The following BANK1 variants were observed in gnomAD, a reference collection of about 807,000 sequenced individuals.
The protein encoded by BANK1 is B cell scaffold protein with ankyrin repeats 1, also known as B-cell scaffold protein with ankyrin repeats.
In BANK1, 95 loss-of-function variants were observed where a neutral mutation model predicts 94.5. The ratio of observed to expected loss-of-function variants is 1.00; its 90% CI spans 0.85 to 1.19. The LOEUF (loss-of-function observed/expected upper bound fraction) is 1.19. Among genes scored for constraint, BANK1 ranks in the 50% most tolerant of loss-of-function variants. BANK1 has a pLI of 0.00. For missense variants in BANK1, 987 were observed against 932.2 expected (o/e 1.06, Z -0.77); for synonymous variants, 334 against 308.4 (o/e 1.08, Z -0.87).
intron 6 of BANK1, among the ~76,000 whole-genome samples, chr4:101,911,477 C>T (rs936773107): frequency 1.3e-5 from 2 of 152,096 alleles, no homozygotes; most frequent in African/African-American, 2.4e-5. Context: ...GCCATTTTGT[C>T]CTTATGGGTA....
At chr4:102,006,737 A>G (rs1349326565) in intron 7 of BANK1, among the ~76,000 whole-genome samples, 1 of 151,768 alleles carries the variant, frequency 6.6e-6, no homozygotes, top group Non-Finnish European at 1.5e-5. Context: ...ATGACAGACA[A>G]TCTTTCATAA....
intron 5 of BANK1, 78 bp downstream of exon 5, chr4:101,870,722 T>C: frequency 6.8e-7 from 1 of 1,474,396 alleles, no homozygotes; most frequent in Admixed American, 2.1e-5. Flanking sequence ...CATGCTTTGG[T>C]ATAAGTTTGA....
At chr4:101,835,201 T>G (rs1270465811) in intron 2 of BANK1, among the ~76,000 whole-genome samples, 2 of 152,234 alleles carry the variant, frequency 1.3e-5, no homozygotes, top group African/African-American at 4.8e-5. Flanking sequence ...ATATGTGATA[T>G]AAATAAGCTG....
intron 5 of BANK1, among the ~76,000 whole-genome samples, chr4:101,894,564 T>A (rs1045855813): frequency 6.6e-6 from 1 of 152,084 alleles, no homozygotes; most frequent in African/African-American, 2.4e-5. Flanking sequence ...TAGAAACTTT[T>A]GTTCCACAGT....
At chr4:101,843,536 C>A (rs1328547563) in intron 2 of BANK1, among the ~76,000 whole-genome samples, 3 of 152,146 alleles carry the variant, frequency 2.0e-5, no homozygotes, top group Non-Finnish European at 4.4e-5. Context: ...CTGGAACCCA[C>A]TTAGATATTA....
chr4:101,891,128 T>C (rs982645272), intron 5 of BANK1, among the ~76,000 whole-genome samples: 2 of 152,138 alleles, frequency 1.3e-5, no homozygotes, highest in African/African-American at 4.8e-5. Flanking sequence ...CAAAAGGTCT[T>C]CTTTCATTAT....
At chr4:101,804,358 C>T (rs1725478107) in intron 1 of BANK1, among the ~76,000 whole-genome samples, 1 of 152,146 alleles carries the variant, frequency 6.6e-6, no homozygotes, top group Non-Finnish European at 1.5e-5. Flanking sequence ...TGTATGATGA[C>T]AGTCATCTCT....
chr4:101,896,228 C>G (rs1301008234), intron 6 of BANK1, among the ~76,000 whole-genome samples: 3 of 151,830 alleles, frequency 2.0e-5, no homozygotes, highest in African/African-American at 4.8e-5. Flanking sequence ...TGTTGACATA[C>G]TGTTTATAAT....
chr4:102,051,908 A>T (rs1728060581), intron 11 of BANK1, among the ~76,000 whole-genome samples: 1 of 152,122 alleles, frequency 6.6e-6, no homozygotes, highest in Non-Finnish European at 1.5e-5. Flanking sequence ...TTAGATACAT[A>T]GTGCCAGGGA....
chr4:101,974,373 C>T (rs1316870058), intron 7 of BANK1, among the ~76,000 whole-genome samples: 1 of 152,042 alleles, frequency 6.6e-6, no homozygotes, highest in Non-Finnish European at 1.5e-5. Context: ...AAATTTCTGC[C>T]ACATTGGATA....
At chr4:102,007,460 C>T (rs1726344681) in intron 7 of BANK1, among the ~76,000 whole-genome samples, 1 of 151,454 alleles carries the variant, frequency 6.6e-6, no homozygotes, top group Admixed American at 6.6e-5. Flanking sequence ...GCTAAAAATT[C>T]AGAAAATAAG....
rs75651646 is a variant in BANK1 at position 101,990,971 on chromosome 4, A to C, written c.1207-30543A>C. Reference sequence around the variant, plus strand: ...AAAATTAACTAAAAATGCTGTCTCTAATAATAGCTTCCATATGTTGAAGAC... The same window carrying C: ...AAAATTAACTAAAAATGCTGTCTCTCATAATAGCTTCCATATGTTGAAGAC... On this transcript the variant is annotated intron_variant, in intron 7 of 16. Transcript: ENST00000322953. Among the ~76,000 whole-genome samples the C allele has an allele frequency of 2.0e-5, 3 of 152,314 alleles. No individual in the cohort carries two copies. The East Asian group carries it at 5.8e-4, about 29-fold the overall frequency.
intron 7 of BANK1, among the ~76,000 whole-genome samples, chr4:102,016,064 C>CT (rs1726689257): frequency 6.6e-6 from 1 of 152,148 alleles, no homozygotes; most frequent in African/African-American, 2.4e-5. Context: ...TCATGGTCCC[C>CT]CATTGGCCGC....
chr4:101,948,554 T>C (rs1724019435), intron 7 of BANK1, among the ~76,000 whole-genome samples: 1 of 152,158 alleles, frequency 6.6e-6, no homozygotes, highest in South Asian at 2.1e-4. Flanking sequence ...TCAGTCTCTG[T>C]GAATGACTCT....
chr4:102,031,000 T>C (rs1206660470), intron 10 of BANK1, among the ~76,000 whole-genome samples: 1 of 152,182 alleles, frequency 6.6e-6, no homozygotes, highest in Non-Finnish European at 1.5e-5. Context: ...TTCTAGATCC[T>C]TGAGGAATCG....
intron 2 of BANK1, among the ~76,000 whole-genome samples, chr4:101,834,165 T>G (rs1460955041): frequency 6.6e-6 from 1 of 152,172 alleles, no homozygotes; most frequent in African/African-American, 2.4e-5. Flanking sequence ...ATGAGTATTT[T>G]TAGGTGGATA....
At chr4:102,010,813 T>C (rs968992462) in intron 7 of BANK1, among the ~76,000 whole-genome samples, 8 of 152,228 alleles carry the variant, frequency 5.3e-5, no homozygotes, top group African/African-American at 1.7e-4. Context: ...ATTCACTTAG[T>C]TAATAAATGC....
intron 7 of BANK1, among the ~76,000 whole-genome samples, chr4:102,000,060 C>G (rs1184355538): frequency 1.3e-5 from 2 of 152,092 alleles, no homozygotes; most frequent in Non-Finnish European, 2.9e-5. Flanking sequence ...TGGCTCATGC[C>G]TGTAATCCCA....
intron 7 of BANK1, among the ~76,000 whole-genome samples, chr4:101,937,573 TAA>T (rs1326255252): frequency 6.6e-6 from 1 of 151,818 alleles, no homozygotes; most frequent in Non-Finnish European, 1.5e-5. Context: ...TGGCTATCAT[TAA>T]AAAGTCAGGA....
Sources: allele counts gnomAD v4.1 joint callset (sites outside exome capture counted in the v4.1 genomes callset), GRCh38; gene constraint gnomAD v4.1.1; transcripts MANE v1.5; gene names NCBI Gene and HGNC (gene_info 2026-07-23, HGNC 2026-07-21).